HPSE2: variants seen among roughly 807,000 people sequenced by gnomAD.
HPSE2 encodes inactive heparanase-2.
A neutral mutation model predicts 60.5 loss-of-function variants in HPSE2; 38 were observed. The observed-to-expected ratio is 0.63, with a 90% CI of 0.48 to 0.82. HPSE2 has a LOEUF of 0.82. Ranked by LOEUF, HPSE2 falls within the 40% of genes least tolerant of loss-of-function variation. HPSE2 has a pLI of 0.00. For synonymous variants in HPSE2, 295 were observed against 293.2 expected (o/e 1.01, Z -0.06); for missense variants, 713 against 740.4 (o/e 0.96, Z 0.43).
At chr10:99,312,791 C>A in the HPSE2 span, among the ~76,000 whole-genome samples, 1 of 152,182 alleles carries the variant, frequency 6.6e-6, no homozygotes, top group Non-Finnish European at 1.5e-5. Flanking sequence ...CAGGTCTGGG[C>A]AAAGTCAATT....
At chr10:98,812,116 C>T (rs1428897715) in intron 3 of HPSE2, among the ~76,000 whole-genome samples, 1 of 152,108 alleles carries the variant, frequency 6.6e-6, no homozygotes, top group Non-Finnish European at 1.5e-5. Flanking sequence ...GGTTCTTTAA[C>T]ATAAATCTAT....
the HPSE2 span, among the ~76,000 whole-genome samples, chr10:99,291,586 A>G: frequency 6.8e-6 from 1 of 146,296 alleles, no homozygotes; most frequent in African/African-American, 2.6e-5. Flanking sequence ...CCATCTGAAA[A>G]AAAAAAAAAA....
At chr10:99,265,331 T>C in the HPSE2 span, among the ~76,000 whole-genome samples, 3,071 of 152,292 alleles carry the variant, frequency 0.02, 108 homozygotes, top group East Asian at 0.15. Flanking sequence ...ATATACAGCC[T>C]TGTTGCTCAC....
chr10:99,030,199 C>T (rs908409249), intron 3 of HPSE2, among the ~76,000 whole-genome samples: 2 of 152,156 alleles, frequency 1.3e-5, no homozygotes, highest in Non-Finnish European at 2.9e-5. Context: ...CGCATATAAT[C>T]GTATCTAAGA....
At chr10:99,009,878 AAAAAC>A (rs1330392577) in intron 3 of HPSE2, among the ~76,000 whole-genome samples, 2 of 152,242 alleles carry the variant, frequency 1.3e-5, no homozygotes, top group African/African-American at 4.8e-5. Flanking sequence ...CTTCAATAAC[AAAAAC>A]GTAGGAAGGA....
chr10:98,984,972 C>T (rs1956303152), intron 3 of HPSE2, among the ~76,000 whole-genome samples: 1 of 152,078 alleles, frequency 6.6e-6, no homozygotes, highest in Non-Finnish European at 1.5e-5. Flanking sequence ...ACAAAGCCTC[C>T]AAGAAATATG....
At chr10:98,511,736 A>G (rs1362009672) in intron 9 of HPSE2, among the ~76,000 whole-genome samples, 1 of 152,164 alleles carries the variant, frequency 6.6e-6, no homozygotes, top group African/African-American at 2.4e-5. Context: ...GATTGAATAA[A>G]TGATCAAATT....
At chr10:98,702,884 G>C (rs938487824) in intron 5 of HPSE2, among the ~76,000 whole-genome samples, 1 of 151,880 alleles carries the variant, frequency 6.6e-6, no homozygotes. Context: ...AGAGAAGCAA[G>C]AGCCAACAAA....
At chr10:98,743,629 A>C (rs949234326) in intron 4 of HPSE2, among the ~76,000 whole-genome samples, 2 of 152,186 alleles carry the variant, frequency 1.3e-5, no homozygotes, top group Non-Finnish European at 2.9e-5. Context: ...TATATTTCCC[A>C]TTTTGTGGCA....
rs954468196 is a variant in HPSE2, at chr10:98,986,790, A to G, written c.610+157448T>C. On this transcript the variant is annotated intron_variant, in intron 3 of 11. Coordinates refer to ENST00000370552, the MANE Select transcript of HPSE2 (RefSeq NM_021828.5). The stretch of plus-strand genomic sequence containing the variant: ...AAGAGAGAAGAATCAAATAGACGCA[A>G]TAAAAAATGATAAAGGGGATATCAC... Among the ~76,000 whole-genome samples, 149 of 152,046 alleles carry G rather than the reference A, an allele frequency of 9.8e-4. 7 individuals carry two copies. In the East Asian group the frequency reaches 0.016, roughly 16 times the overall value.
intron 3 of HPSE2, among the ~76,000 whole-genome samples, chr10:99,039,221 A>T (rs1035108294): frequency 6.6e-6 from 1 of 152,172 alleles, no homozygotes; most frequent in Non-Finnish European, 1.5e-5. Flanking sequence ...GTTCAAAGCC[A>T]TAGGCTTCTG....
chr10:98,599,972 G>C (rs149404609), intron 9 of HPSE2, among the ~76,000 whole-genome samples: 3 of 152,136 alleles, frequency 2.0e-5, no homozygotes, highest in Non-Finnish European at 2.9e-5. Context: ...TAGCAAAAAA[G>C]TCATGTTTCC....
At chr10:99,036,120 T>A (rs1957604074) in intron 3 of HPSE2, among the ~76,000 whole-genome samples, 1 of 151,924 alleles carries the variant, frequency 6.6e-6, no homozygotes, top group African/African-American at 2.4e-5. Context: ...GAGGCTGAGG[T>A]GGAAGAACTG....
chr10:99,275,252 G>A, the HPSE2 span, among the ~76,000 whole-genome samples: 2 of 152,140 alleles, frequency 1.3e-5, no homozygotes, highest in Non-Finnish European at 2.9e-5. Context: ...GACAAACTGA[G>A]GTGAAATCTT....
intron 2 of HPSE2, among the ~76,000 whole-genome samples, chr10:99,230,581 TTTC>T (rs1849611677): frequency 6.6e-6 from 1 of 152,138 alleles, no homozygotes; most frequent in South Asian, 2.1e-4. Flanking sequence ...CTTCTGCCAA[TTTC>T]TTTTCTCCCC....
At chr10:99,134,875 T>C (rs1049560835) in intron 3 of HPSE2, among the ~76,000 whole-genome samples, 6 of 152,104 alleles carry the variant, frequency 3.9e-5, no homozygotes, top group African/African-American at 1.4e-4. Context: ...AATATTAACC[T>C]TAAATGTAAA....
chr10:99,302,576 T>G, the HPSE2 span, among the ~76,000 whole-genome samples: 3 of 152,048 alleles, frequency 2.0e-5, no homozygotes, highest in Non-Finnish European at 4.4e-5. Flanking sequence ...AGGAAATTAA[T>G]TGGGCAGAAC....
intron 10 of HPSE2, among the ~76,000 whole-genome samples, chr10:98,485,095 A>C (rs1202742934): frequency 6.6e-6 from 1 of 152,238 alleles, no homozygotes; most frequent in Admixed American, 6.5e-5. Flanking sequence ...TGAGTGACCA[A>C]GGACAGGTCA....
At chr10:98,474,304 C>T (rs1940906499) in intron 11 of HPSE2, among the ~76,000 whole-genome samples, 1 of 152,158 alleles carries the variant, frequency 6.6e-6, no homozygotes, top group South Asian at 2.1e-4. Flanking sequence ...AAACATGGTG[C>T]TTTCAGGTAT....
Sources: allele counts gnomAD v4.1 joint callset (sites outside exome capture counted in the v4.1 genomes callset), GRCh38; gene constraint gnomAD v4.1.1; transcripts MANE v1.5; gene names NCBI Gene and HGNC (gene_info 2026-07-23, HGNC 2026-07-21).